The following OSTF1 variants were observed in gnomAD, a reference collection of about 807,000 sequenced individuals.
OSTF1 encodes the protein osteoclast stimulating factor 1.
Under a neutral mutation model 37.2 loss-of-function variants are expected in OSTF1, and 27 were observed. The ratio of observed to expected loss-of-function variants is 0.73; its 90% CI spans 0.54 to 1.00. OSTF1 has a LOEUF of 1.00. OSTF1 is among the 50% of genes least tolerant of loss of function. The pLI is 0.00. For synonymous variants in OSTF1, 82 were observed against 89.2 expected, an observed-to-expected ratio of 0.92 and a Z score of 0.46; for missense variants, 232 against 253.8, an observed-to-expected ratio of 0.91 and a Z score of 0.58.
chr9:75,088,576 A>T lies in OSTF1; in HGVS notation c.-117A>T. The T allele has an allele frequency of 8.9e-7, 1 of 1,125,978 alleles. No individual in the cohort carries two copies. The highest frequency in any genetic ancestry group is 2.0e-4 in the Middle Eastern group (1 of 5,116). The allele number at this position is 1,125,978 out of a possible 1,614,324, so 69.7% of individuals were successfully genotyped here. On this transcript the variant is annotated 5_prime_UTR_variant, in exon 1 of 10. Transcript: ENST00000346234. ...GCAGCCAAGGGTGGGCGCCGGTCCTAGGAGGCGCACGGTTGTAAGCCAGAC... is the reference window on the plus strand; with the variant it reads ...GCAGCCAAGGGTGGGCGCCGGTCCTTGGAGGCGCACGGTTGTAAGCCAGAC...
At chr9:75,123,335 T>A (rs1038024484) in intron 2 of OSTF1, among the ~76,000 whole-genome samples, 3 of 152,100 alleles carry the variant, frequency 2.0e-5, no homozygotes, top group African/African-American at 7.2e-5. Flanking sequence ...GGCAGGAGAA[T>A]GGCGTGAACC....
chr9:75,103,351 A>G (rs1466067764), intron 1 of OSTF1, among the ~76,000 whole-genome samples: 1 of 152,242 alleles, frequency 6.6e-6, no homozygotes, highest in Non-Finnish European at 1.5e-5. Context: ...GGGCATTAAA[A>G]GAGAACACAT....
At chr9:75,143,997 G>T (rs966070181) in intron 9 of OSTF1, among the ~76,000 whole-genome samples, 4 of 152,216 alleles carry the variant, frequency 2.6e-5, no homozygotes, top group African/African-American at 9.6e-5. Flanking sequence ...AAAATAAAGA[G>T]CAGAAGTAAC....
At chr9:75,099,410 C>G (rs1005028102) in intron 1 of OSTF1, among the ~76,000 whole-genome samples, 30 of 152,058 alleles carry the variant, frequency 2.0e-4, no homozygotes, top group African/African-American at 7.2e-4. Context: ...TGCTGCCAAG[C>G]CCAACTATTT....
At chr9:75,094,915 G>C (rs945485431) in intron 1 of OSTF1, among the ~76,000 whole-genome samples, 7 of 152,278 alleles carry the variant, frequency 4.6e-5, no homozygotes, top group Middle Eastern at 3.4e-3. Context: ...GCTTGGTGGT[G>C]CGTGTTTGTA....
chr9:75,114,933 G>A (rs1256562746), intron 1 of OSTF1, among the ~76,000 whole-genome samples: 3 of 152,262 alleles, frequency 2.0e-5, no homozygotes, highest in African/African-American at 2.4e-5. Context: ...ATTATTGAGT[G>A]CCTTGTATGT....
chr9:75,088,823 GC>G, intron 1 of OSTF1, 97 bp downstream of exon 1: 1 of 1,245,178 alleles, frequency 8.0e-7, no homozygotes, highest in South Asian at 1.3e-5. Flanking sequence ...CGCGCACCCG[GC>G]CCCGAGCCTG....
chr9:75,088,815 C>T (rs953519460), intron 1 of OSTF1, 89 bp downstream of exon 1: 14 of 1,312,136 alleles, frequency 1.1e-5, no homozygotes, highest in African/African-American at 1.5e-5. Context: ...GGACCCGGCG[C>T]GCACCCGGCC....
At chr9:75,098,652 T>G (rs1825132005) in intron 1 of OSTF1, among the ~76,000 whole-genome samples, 1 of 152,224 alleles carries the variant, frequency 6.6e-6, no homozygotes, top group Non-Finnish European at 1.5e-5. Context: ...TACTACGTAT[T>G]CTACTAGATT....
Position 75,145,107 on chromosome 9 carries a change from A to G in OSTF1, c.587-1576A>G, listed in dbSNP as rs146149727. 2.0e-4 allele frequency among the ~76,000 whole-genome samples: 30 copies of G among 152,222 alleles called. No homozygotes were observed. In the East Asian group the frequency reaches 4.8e-3, roughly 24 times the overall value. On this transcript the variant is annotated intron_variant, in intron 9 of 9. Coordinates refer to ENST00000346234, the MANE Select transcript of OSTF1 (RefSeq NM_012383.5). The stretch of plus-strand genomic sequence containing the variant: ...CAATTTAGGTTCATTCTATCAATCA[A>G]TCAATCATGAATCAATCATGTATCT...
intron 1 of OSTF1, among the ~76,000 whole-genome samples, chr9:75,107,696 A>G (rs1825313047): frequency 6.6e-6 from 1 of 152,216 alleles, no homozygotes; most frequent in South Asian, 2.1e-4. Flanking sequence ...AACCCAGAAC[A>G]TAAAAATACA....
At chr9:75,133,431 A>G (rs983332591) in intron 6 of OSTF1, 30 bp downstream of exon 6, 3 of 1,310,802 alleles carry the variant, frequency 2.3e-6, no homozygotes, top group South Asian at 1.2e-5. Context: ...ATATGTTTCT[A>G]TGCTGCTGAA....
intron 1 of OSTF1, among the ~76,000 whole-genome samples, chr9:75,107,246 CA>C (rs1825304685): frequency 1.3e-5 from 2 of 152,134 alleles, no homozygotes; most frequent in African/African-American, 4.8e-5. Flanking sequence ...CCTGTTTCAT[CA>C]TGCATATTTA....
In OSTF1 at chr9:75,128,713, G is replaced by A. The variant is rs532866870; in HGVS notation, c.132+1094G>A. ...TGTAGGTATTGCTAATTCTGAGATT[G>A]TTGCATGTGTATTGTGGTTTAGAGC... On this transcript the variant is annotated intron_variant, in intron 3 of 9. Transcript: ENST00000346234. 3.4e-5 allele frequency among the ~76,000 whole-genome samples: 5 copies of A among 149,118 alleles called. No individual in the cohort carries two copies. The Admixed American group carries it at 3.4e-4, about 10-fold the overall frequency.
At chr9:75,136,607 G>C (rs1472232191) in intron 7 of OSTF1, among the ~76,000 whole-genome samples, 1 of 152,150 alleles carries the variant, frequency 6.6e-6, no homozygotes, top group African/African-American at 2.4e-5. Context: ...AGCCAGGCTG[G>C]TCTCGAACTC....
chr9:75,123,731 A>C (rs1323405096), intron 2 of OSTF1, among the ~76,000 whole-genome samples: 1 of 152,228 alleles, frequency 6.6e-6, no homozygotes, highest in East Asian at 1.9e-4. Context: ...CTTTAGAAGA[A>C]GACATTTTAC....
intron 6 of OSTF1, among the ~76,000 whole-genome samples, chr9:75,133,698 T>C (rs569721057): frequency 6.6e-6 from 1 of 152,312 alleles, no homozygotes; most frequent in South Asian, 2.1e-4. Flanking sequence ...CACTGTCTAA[T>C]CTTACAGAAG....
At chr9:75,095,033 T>TAAAC in intron 1 of OSTF1, among the ~76,000 whole-genome samples, 1 of 152,102 alleles carries the variant, frequency 6.6e-6, no homozygotes, top group East Asian at 1.9e-4. Context: ...CTGTCTCAAA[T>TAAAC]AAACAAACAA....
intron 1 of OSTF1, among the ~76,000 whole-genome samples, chr9:75,095,972 A>G (rs1012575797): frequency 1.3e-5 from 2 of 151,206 alleles, no homozygotes; most frequent in African/African-American, 4.9e-5. Context: ...GCTCACTGCA[A>G]CCTCCGCCTC....
Sources: gnomAD v4.1 joint callset for allele counts (sites outside exome capture counted in the v4.1 genomes callset) on GRCh38, gnomAD v4.1.1 for gene constraint, MANE v1.5 for transcripts, NCBI Gene and HGNC (gene_info 2026-07-23, HGNC 2026-07-21) for gene names.